The following TMPRSS11E variants were observed in gnomAD, a reference collection of about 807,000 sequenced individuals.
TMPRSS11E encodes transmembrane serine protease 11E.
A neutral mutation model predicts 48.1 loss-of-function variants in TMPRSS11E; 38 were observed. The ratio of observed to expected loss-of-function variants is 0.79; its 90% confidence interval spans 0.61 to 1.04. TMPRSS11E has a LOEUF of 1.04. Among genes scored for constraint, TMPRSS11E ranks in the 50% least tolerant of loss-of-function variants. The probability of loss-of-function intolerance (pLI) is 0.00; values close to 1 mark genes in which losing one functional copy is unlikely to be tolerated. For missense variants in TMPRSS11E, 530 were observed against 510.8 expected (o/e 1.04, Z -0.36); for synonymous variants, 158 against 171.9 (o/e 0.92, Z 0.63).
At chr4:68,483,318 C>T (rs1042355895) in intron 9 of TMPRSS11E, among the ~76,000 whole-genome samples, 3 of 152,160 alleles carry the variant, frequency 2.0e-5, no homozygotes, top group African/African-American at 4.8e-5. Context: ...AGTTCACTTG[C>T]TATCGCAAAG....
At position 68,461,854 on chromosome 4, in the gene TMPRSS11E, T is replaced by G. The variant is rs767123146; in HGVS notation, c.45T>G (p.Cys15Trp). Residue 15 changes from cysteine to tryptophan, a missense_variant, in exon 2 of 10, where the codon TGT becomes TGG. Cys to Trp is a radical substitution (Grantham distance 215). Transcript: ENST00000305363. ...TGGTGAGGGCTAGGAAAAGAGTTTG[T>G]TGGGAACCCTGGGTTATCGGCCTCG... ...PDVVRARKRV[C>W]WEPWVIGLVI... 7 of 1,614,220 alleles carry G rather than the reference T, an allele frequency of 4.3e-6. No homozygotes were observed. The South Asian group carries it at 7.7e-5, about 18-fold the overall frequency.
chr4:68,460,193 T>C (rs1391451140), intron 1 of TMPRSS11E, among the ~76,000 whole-genome samples: 1 of 152,154 alleles, frequency 6.6e-6, no homozygotes, highest in Non-Finnish European at 1.5e-5. Context: ...TATACAGCGA[T>C]GATAACACCA....
rs1305174883 is a variant in TMPRSS11E at position 68,497,445 on chromosome 4, AACT to A, written c.*646_*648del. On this transcript the variant is annotated 3_prime_UTR_variant, in exon 10 of 10. Transcript: ENST00000305363. The stretch of plus-strand genomic sequence containing the variant: ...TATATCCTTATTTTCATTTCCAAAC[AACT>A]ACTATGATAAATGTGAAGAAGATTC... 6.6e-6 allele frequency: 1 copy of A among 152,152 alleles called. No individual in the cohort carries two copies. Among genetic ancestry groups the A allele is most frequent in the Non-Finnish European group, 1.5e-5 (1 of 68,002 alleles). 9.4% of individuals were successfully genotyped at this position (152,152 alleles called of 1,614,324 possible). A position where few individuals can be genotyped will look rare whatever the true frequency, so the allele number is the denominator to read the frequency against.
chr4:68,480,246 T>C (rs910788416), intron 9 of TMPRSS11E, among the ~76,000 whole-genome samples: 4 of 152,148 alleles, frequency 2.6e-5, no homozygotes, highest in Non-Finnish European at 5.9e-5. Context: ...TCTTTCCTTC[T>C]GGAACTCTAA....
At chr4:68,484,360 G>T (rs1729493462) in intron 9 of TMPRSS11E, among the ~76,000 whole-genome samples, 1 of 152,096 alleles carries the variant, frequency 6.6e-6, no homozygotes, top group Non-Finnish European at 1.5e-5. Context: ...AGGCTGGAGT[G>T]CAGTGCCACA....
chr4:68,474,774 T>C lies in TMPRSS11E; in HGVS notation c.529+13T>C. ...TATCTAAACCATTGTAAGTTTAATA[T>C]ATTTATTAAAATAGCATTACCTGAA... On this transcript the variant is annotated intron_variant, in intron 6 of 9. Transcript: ENST00000305363. 1 of 1,587,852 alleles carries C rather than the reference T, an allele frequency of 6.3e-7. No homozygotes were observed. Among genetic ancestry groups the C allele is most frequent in the Non-Finnish European group, 8.6e-7 (1 of 1,168,310 alleles).
intron 9 of TMPRSS11E, among the ~76,000 whole-genome samples, chr4:68,489,774 A>T (rs572580436): frequency 6.6e-6 from 1 of 152,248 alleles, no homozygotes; most frequent in Non-Finnish European, 1.5e-5. Flanking sequence ...GGCATAGGCC[A>T]GCAGACAAGC....
At chr4:68,487,941 CAAA>C (rs56299530) in intron 9 of TMPRSS11E, among the ~76,000 whole-genome samples, 4,812 of 89,794 alleles carry the variant, frequency 0.054, 62 homozygotes, top group Non-Finnish European at 0.07. Context: ...GACTCTGTCT[CAAA>C]AAAAAAAAAA....
chr4:68,497,428 T>C lies in TMPRSS11E; in HGVS notation c.*624T>C, dbSNP rs1212336339. 6.6e-6 allele frequency: 1 copy of C among 152,144 alleles called. No homozygotes were observed. Among genetic ancestry groups the C allele is most frequent in the African/African-American group, 2.4e-5 (1 of 41,452 alleles). 9.4% of individuals were successfully genotyped at this position (152,144 alleles called of 1,614,324 possible). On this transcript the variant is annotated 3_prime_UTR_variant, in exon 10 of 10. Coordinates refer to ENST00000305363, the MANE Select transcript of TMPRSS11E (RefSeq NM_014058.4). Reference sequence around the variant, plus strand: ...CCAGAAAGAAGCCAAGATATATCCTTATTTTCATTTCCAAACAACTACTAT... The same window carrying C: ...CCAGAAAGAAGCCAAGATATATCCTCATTTTCATTTCCAAACAACTACTAT...
chr4:68,450,113 T>C (rs1728453598), intron 1 of TMPRSS11E, among the ~76,000 whole-genome samples: 1 of 150,326 alleles, frequency 6.7e-6, no homozygotes, highest in South Asian at 2.1e-4. Context: ...GACACTCCTT[T>C]TAGGCTTAGG....
chr4:68,495,465 A>G (rs1241024861), intron 9 of TMPRSS11E, among the ~76,000 whole-genome samples: 1 of 151,992 alleles, frequency 6.6e-6, no homozygotes, highest in Non-Finnish European at 1.5e-5. Context: ...GGCATATCTT[A>G]TTTCTATAAG....
At chr4:68,489,263 C>G (rs763219463) in intron 9 of TMPRSS11E, among the ~76,000 whole-genome samples, 13 of 152,116 alleles carry the variant, frequency 8.5e-5, no homozygotes, top group Non-Finnish European at 1.6e-4. Context: ...CATGCTGTAC[C>G]AGGCTGTAAC....
chr4:68,475,093 T>G (rs573570201), intron 6 of TMPRSS11E, among the ~76,000 whole-genome samples: 1 of 152,118 alleles, frequency 6.6e-6, no homozygotes, highest in Non-Finnish European at 1.5e-5. Context: ...AATCTATACA[T>G]TGTGTTTTTC....
At chr4:68,495,616 A>C (rs1192602016) in intron 9 of TMPRSS11E, among the ~76,000 whole-genome samples, 1 of 152,152 alleles carries the variant, frequency 6.6e-6, no homozygotes, top group African/African-American at 2.4e-5. Context: ...ATTTACTATT[A>C]TATTAGTTAA....
intron 9 of TMPRSS11E, among the ~76,000 whole-genome samples, chr4:68,484,834 C>T (rs978723701): frequency 2.6e-5 from 4 of 152,128 alleles, no homozygotes; most frequent in Non-Finnish European, 4.4e-5. Context: ...TTTATCAGTT[C>T]TAGGAGCCTT....
At chr4:68,453,353 A>G (rs1449583166) in intron 1 of TMPRSS11E, among the ~76,000 whole-genome samples, 1 of 151,906 alleles carries the variant, frequency 6.6e-6, no homozygotes, top group African/African-American at 2.4e-5. Context: ...CCACCTAACT[A>G]GTAACAGGCA....
intron 9 of TMPRSS11E, among the ~76,000 whole-genome samples, chr4:68,496,031 T>C (rs1386510318): frequency 1.3e-5 from 2 of 152,100 alleles, no homozygotes; most frequent in Non-Finnish European, 2.9e-5. Context: ...GAATTTGTGA[T>C]TTTATATATG....
intron 6 of TMPRSS11E, among the ~76,000 whole-genome samples, chr4:68,475,955 C>T (rs915618252): frequency 6.6e-6 from 1 of 152,112 alleles, no homozygotes; most frequent in African/African-American, 2.4e-5. Flanking sequence ...TAAGCACACA[C>T]ACAGAGTGTA....
At chr4:68,466,207 G>A (rs1728922297) in intron 2 of TMPRSS11E, among the ~76,000 whole-genome samples, 2 of 152,148 alleles carry the variant, frequency 1.3e-5, no homozygotes, top group South Asian at 4.1e-4. Flanking sequence ...CAGAATTGAT[G>A]TATAGTTGAT....
Sources: allele counts gnomAD v4.1 joint callset (sites outside exome capture counted in the v4.1 genomes callset), GRCh38; gene constraint gnomAD v4.1.1; transcripts MANE v1.5; gene names NCBI Gene and HGNC (gene_info 2026-07-23, HGNC 2026-07-21).